Variants in SBF2 observed in about 807,000 individuals in gnomAD.
SBF2 encodes the protein myotubularin-related protein 13.
In SBF2, 112 loss-of-function variants were observed where a neutral mutation model predicts 225.2. That is an observed-to-expected ratio of 0.50 (90% confidence interval 0.43 to 0.58). The LOEUF (loss-of-function observed/expected upper bound fraction) is 0.58, where lower values mean the gene tolerates loss of function less well. Ranked by LOEUF, SBF2 falls within the 20% of genes least tolerant of loss-of-function variation. The pLI is 0.00. For missense variants in SBF2, 1,996 were observed against 2,206.2 expected, an observed-to-expected ratio of 0.90 and a Z score of 1.91; for synonymous variants, 763 against 773.3, an observed-to-expected ratio of 0.99 and a Z score of 0.22.
chr11:9,943,234 C>A (rs981866814), intron 16 of SBF2, among the ~76,000 whole-genome samples: 1 of 152,070 alleles, frequency 6.6e-6, no homozygotes, highest in African/African-American at 2.4e-5. Context: ...AAATCAATTT[C>A]AGATAGATTA....
intron 9 of SBF2, among the ~76,000 whole-genome samples, chr11:9,994,866 G>A (rs1424157638): frequency 6.6e-6 from 1 of 151,840 alleles, no homozygotes; most frequent in East Asian, 1.9e-4. Flanking sequence ...GTAAAACCCT[G>A]TCTCTACTCA....
intron 16 of SBF2, among the ~76,000 whole-genome samples, chr11:9,947,776 T>TAA (rs200914850): frequency 4.0e-5 from 6 of 149,388 alleles, no homozygotes; most frequent in African/African-American, 1.2e-4. Flanking sequence ...TGGCTACTAT[T>TAA]AAAAAAAAAA....
chr11:9,993,028 T>C lies in SBF2; in HGVS notation c.1129A>G (p.Ile377Val). The C allele has an allele frequency of 2.5e-6, 4 of 1,612,690 alleles. No individual in the cohort carries two copies. Among genetic ancestry groups the C allele is most frequent in the South Asian group, 1.1e-5 (1 of 91,064 alleles). ...ATTACTGGCTCTGCATGAATTCTTA[T>C]AAGTTGCAGGCAGGATCTATATCCT... is the stretch of plus-strand genomic sequence containing the variant. Reference protein sequence around the residue: ...FQGYRSCLQLIRIHAEPVIHF... With the variant: ...FQGYRSCLQLVRIHAEPVIHF... Residue 377 changes from isoleucine (I) to valine (V), a missense_variant, in exon 11 of 40, where the codon ATA becomes GTA. Physicochemically the swap from Ile to Val is conservative, Grantham distance 29. Coordinates refer to ENST00000256190, the MANE Select transcript of SBF2 (RefSeq NM_030962.4).
intron 1 of SBF2, among the ~76,000 whole-genome samples, chr11:10,240,185 G>T (rs1959189017): frequency 6.7e-6 from 1 of 149,120 alleles, no homozygotes; most frequent in African/African-American, 2.5e-5. Context: ...AACCCTAGAT[G>T]AACATGATAA....
At chr11:9,955,440 C>T (rs1216284686) in intron 16 of SBF2, among the ~76,000 whole-genome samples, 1 of 151,992 alleles carries the variant, frequency 6.6e-6, no homozygotes, top group Non-Finnish European at 1.5e-5. Context: ...GTACTTGTTT[C>T]TATTTAGTAG....
At chr11:9,962,145 C>T (rs753954925) in intron 15 of SBF2, 39 bp from the exon 16 acceptor site, 1 of 1,592,208 alleles carries the variant, frequency 6.3e-7, no homozygotes, top group Non-Finnish European at 8.6e-7. Context: ...AATGGTACCA[C>T]TGGGGGAAAC....
intron 17 of SBF2, among the ~76,000 whole-genome samples, chr11:9,878,883 T>C (rs2134075607): frequency 6.6e-6 from 1 of 152,328 alleles, no homozygotes; most frequent in South Asian, 2.1e-4. Context: ...GTTAAGCTCA[T>C]GCTTTCATCT....
At chr11:9,968,172 C>A (rs537281803) in intron 14 of SBF2, among the ~76,000 whole-genome samples, 169 bp downstream of exon 14, 1 of 151,828 alleles carries the variant, frequency 6.6e-6, no homozygotes, top group African/African-American at 2.4e-5. Context: ...TATGATTACC[C>A]TTTTTGGGAG....
chr11:9,903,059 C>T (rs143481498), intron 16 of SBF2, among the ~76,000 whole-genome samples: 22 of 152,068 alleles, frequency 1.4e-4, no homozygotes, highest in East Asian at 7.7e-4. Flanking sequence ...CGGTGACTCA[C>T]GCCTGTAATC....
intron 2 of SBF2, among the ~76,000 whole-genome samples, chr11:10,058,145 C>A (rs949022426): frequency 2.0e-5 from 3 of 152,144 alleles, no homozygotes; most frequent in African/African-American, 4.8e-5. Context: ...AGTTCTCCAA[C>A]AAGAGTTCTT....
intron 2 of SBF2, among the ~76,000 whole-genome samples, chr11:10,083,684 T>C (rs1951450540): frequency 2.0e-5 from 3 of 152,018 alleles, no homozygotes. Flanking sequence ...TGGAGAAGAA[T>C]AAAATAGAAC....
At chr11:10,016,026 C>A (rs556654380) in intron 6 of SBF2, among the ~76,000 whole-genome samples, 137 of 152,220 alleles carry the variant, frequency 9.0e-4, no homozygotes, top group African/African-American at 3.1e-3. Context: ...ATCGACCCGC[C>A]TCGGCCTCCC....
intron 2 of SBF2, among the ~76,000 whole-genome samples, chr11:10,051,749 T>C (rs1242676566): frequency 1.3e-5 from 2 of 152,064 alleles, no homozygotes; most frequent in Non-Finnish European, 2.9e-5. Context: ...TTACAAAAAT[T>C]CTTTCTCAAA....
chr11:10,061,687 C>T (rs935189328), intron 2 of SBF2, among the ~76,000 whole-genome samples: 2 of 152,058 alleles, frequency 1.3e-5, no homozygotes, highest in African/African-American at 4.8e-5. Context: ...TCGAAGAAAT[C>T]AGAGTAGACA....
At chr11:10,071,103 C>G (rs765770284) in intron 2 of SBF2, among the ~76,000 whole-genome samples, 1 of 152,098 alleles carries the variant, frequency 6.6e-6, no homozygotes, top group Non-Finnish European at 1.5e-5. Flanking sequence ...TTGTAATCCA[C>G]AAACAGAGAC....
intron 15 of SBF2, 125 bp downstream of exon 15, chr11:9,963,648 A>G (rs960334312): frequency 1.4e-5 from 9 of 636,822 alleles, no homozygotes; most frequent in African/African-American, 3.7e-5. Flanking sequence ...AATGATCCAA[A>G]CAATGAGAGG....
intron 16 of SBF2, among the ~76,000 whole-genome samples, chr11:9,946,411 C>T (rs1280363897): frequency 3.9e-5 from 6 of 152,000 alleles, no homozygotes; most frequent in African/African-American, 9.7e-5. Flanking sequence ...AAATCTACAA[C>T]TGCTGACAGG....
At chr11:10,108,355 G>A (rs1752529693) in intron 2 of SBF2, among the ~76,000 whole-genome samples, 1 of 152,014 alleles carries the variant, frequency 6.6e-6, no homozygotes, top group African/African-American at 2.4e-5. Flanking sequence ...AACAAATACT[G>A]GTGGAGTGAG....
At chr11:10,037,967 T>C (rs1949510164) in intron 3 of SBF2, among the ~76,000 whole-genome samples, 1 of 152,084 alleles carries the variant, frequency 6.6e-6, no homozygotes, top group Non-Finnish European at 1.5e-5. Context: ...ATTTTTTTCT[T>C]TTCTCAAATA....
Sources: allele counts gnomAD v4.1 joint callset (sites outside exome capture counted in the v4.1 genomes callset), GRCh38; gene constraint gnomAD v4.1.1; transcripts MANE v1.5; gene names NCBI Gene and HGNC (gene_info 2026-07-23, HGNC 2026-07-21).